WDPCP: variants seen among roughly 807,000 people sequenced by gnomAD.
WDPCP encodes WD repeat containing planar cell polarity effector, also known as WD repeat-containing and planar cell polarity effector protein fritz homolog.
In WDPCP, 71 loss-of-function variants were observed where a neutral mutation model predicts 93.1. The ratio of observed to expected loss-of-function variants is 0.76; its 90% CI spans 0.63 to 0.93. WDPCP has a LOEUF of 0.93. WDPCP is among the 40% of genes least tolerant of loss of function. The pLI, the probability that WDPCP is intolerant of heterozygous loss-of-function variation, is 0.00. For synonymous variants in WDPCP, 315 were observed against 315.0 expected (o/e 1.00, Z 0.00); for missense variants, 844 against 887.4 (o/e 0.95, Z 0.62).
intron 3 of WDPCP, chr2:63,622,431 G>C (rs1709752539): frequency 2.5e-6 from 4 of 1,613,920 alleles, no homozygotes; most frequent in Non-Finnish European, 3.4e-6. Flanking sequence ...AAATAAGCTA[G>C]AGGAGACCCA....
At chr2:63,500,978 A>T (rs911252699) in intron 1 of WDPCP, among the ~76,000 whole-genome samples, 8 of 152,142 alleles carry the variant, frequency 5.3e-5, no homozygotes, top group African/African-American at 1.9e-4. Flanking sequence ...CTATTTTACA[A>T]CTGTCATCTC....
intron 14 of WDPCP, among the ~76,000 whole-genome samples, chr2:63,227,524 A>C (rs1678388409): frequency 6.6e-6 from 1 of 151,972 alleles, no homozygotes; most frequent in Non-Finnish European, 1.5e-5. Flanking sequence ...CCACACAACT[A>C]ATCTGTAACA....
intron 15 of WDPCP, among the ~76,000 whole-genome samples, chr2:63,163,587 C>T (rs1414475890): frequency 6.6e-6 from 1 of 152,142 alleles, no homozygotes; most frequent in African/African-American, 2.4e-5. Context: ...CATATGTTCT[C>T]CTCTCATGCC....
intron 1 of WDPCP, among the ~76,000 whole-genome samples, chr2:63,529,788 G>A (rs142164249): frequency 6.6e-6 from 1 of 152,146 alleles, no homozygotes; most frequent in East Asian, 1.9e-4. Context: ...GCTCCTCCTT[G>A]TATCTCTCAT....
In WDPCP at chr2:63,197,719, T is replaced by C. The variant is rs185882280; in HGVS notation, c.1916-22887A>G. On this transcript the variant is annotated intron_variant, in intron 14 of 17. Coordinates refer to ENST00000272321, the MANE Select transcript of WDPCP (RefSeq NM_015910.7). ...TAGCTCCCACTTATAAGTGAGAACA[T>C]GCAATATTTGTCTTTCTGTGTTTGA... Among the ~76,000 whole-genome samples the C allele has an allele frequency of 2.4e-3, 365 of 152,306 alleles. 2 individuals are homozygous for C. The highest frequency in any genetic ancestry group is 8.2e-3 in the African/African-American group (340 of 41,558).
intron 12 of WDPCP, chr2:63,368,995 T>G (rs1305944986): frequency 6.5e-6 from 1 of 153,712 alleles, no homozygotes; most frequent in Admixed American, 6.4e-5. Flanking sequence ...TTCCTGGATT[T>G]TATAAAGTAT....
At chr2:63,289,274 T>C (rs1423046948) in intron 13 of WDPCP, among the ~76,000 whole-genome samples, 1 of 152,126 alleles carries the variant, frequency 6.6e-6, no homozygotes, top group Non-Finnish European at 1.5e-5. Context: ...AATTCTATCT[T>C]TACTTTTATA....
At chr2:63,204,048 T>C (rs1478826985) in intron 14 of WDPCP, among the ~76,000 whole-genome samples, 1 of 152,214 alleles carries the variant, frequency 6.6e-6, no homozygotes, top group African/African-American at 2.4e-5. Context: ...CTAATGTACC[T>C]TCTTTTGAGT....
intron 6 of WDPCP, among the ~76,000 whole-genome samples, chr2:63,483,918 C>T (rs1235181169): frequency 6.6e-6 from 1 of 151,880 alleles, no homozygotes; most frequent in Non-Finnish European, 1.5e-5. Context: ...TCTGAATCTA[C>T]CCATTCAATA....
chr2:63,703,255 T>C (rs538475929), intron 2 of WDPCP, among the ~76,000 whole-genome samples: 9 of 152,290 alleles, frequency 5.9e-5, no homozygotes, highest in Admixed American at 2.6e-4. Flanking sequence ...GATGGCTGGG[T>C]CAAAGGGTAT....
At chr2:63,441,862 CTAAAT>C (rs1429531191) in intron 6 of WDPCP, 4 of 152,048 alleles carry the variant, frequency 2.6e-5, no homozygotes, top group Non-Finnish European at 5.9e-5. Flanking sequence ...ATGCCAAGCA[CTAAAT>C]TAAATTTAAG....
chr2:63,607,628 A>C (rs562882214), intron 3 of WDPCP, among the ~76,000 whole-genome samples: 5 of 151,612 alleles, frequency 3.3e-5, no homozygotes, highest in Non-Finnish European at 7.4e-5. Context: ...CAGGAGATCG[A>C]GACCATCCTG....
At chr2:63,325,927 G>T (rs529481058) in intron 12 of WDPCP, among the ~76,000 whole-genome samples, 1 of 152,168 alleles carries the variant, frequency 6.6e-6, no homozygotes, top group Admixed American at 6.5e-5. Context: ...ACTCAGACTC[G>T]TGGGACAACC....
intron 10 of WDPCP, among the ~76,000 whole-genome samples, chr2:63,396,338 T>G (rs1285859265): frequency 1.3e-5 from 2 of 152,200 alleles, no homozygotes; most frequent in Admixed American, 6.5e-5. Flanking sequence ...CTGTTTGTTT[T>G]TTAGAAAGAG....
intron 1 of WDPCP, among the ~76,000 whole-genome samples, chr2:63,536,773 C>CTTTTTTTTTTTTTTTTTT (rs58661370): frequency 1.1e-5 from 1 of 93,636 alleles, no homozygotes; most frequent in East Asian, 4.2e-4. Context: ...ATTCTTCATG[C>CTTTTTTTTTTTTTTTTTT]TTTTTTTTTT....
At chr2:63,695,032 A>G (rs1443111998) in intron 2 of WDPCP, among the ~76,000 whole-genome samples, 1 of 152,194 alleles carries the variant, frequency 6.6e-6, no homozygotes, top group Non-Finnish European at 1.5e-5. Flanking sequence ...AGAAACATTG[A>G]CCAACAGAGT....
intron 3 of WDPCP, chr2:63,599,154 C>G (rs1333280012): frequency 6.2e-7 from 1 of 1,611,886 alleles, no homozygotes; most frequent in African/African-American, 1.3e-5. Context: ...TCTTCAGTGC[C>G]TTCCATTCCT....
rs549683939 is a variant in WDPCP at position 63,477,309 on chromosome 2, A to G, written c.384+7295T>C. Among the ~76,000 whole-genome samples, 293 of 152,304 alleles carry G rather than the reference A, an allele frequency of 1.9e-3. 2 individuals carry two copies. Among genetic ancestry groups the G allele is most frequent in the African/African-American group, 6.5e-3 (269 of 41,572 alleles). On this transcript the variant is annotated intron_variant, in intron 6 of 17. Coordinates refer to ENST00000272321, the MANE Select transcript of WDPCP (RefSeq NM_015910.7). Reference sequence around the variant, plus strand: ...AAGCAAGAAATTATTAAACACTTTTAGTGAAATGATTTTAGGAGACAAAAA... The same window carrying G: ...AAGCAAGAAATTATTAAACACTTTTGGTGAAATGATTTTAGGAGACAAAAA...
chr2:63,796,253 C>G (rs924134233), intron 2 of WDPCP, among the ~76,000 whole-genome samples: 1 of 152,168 alleles, frequency 6.6e-6, no homozygotes, highest in African/African-American at 2.4e-5. Context: ...TGGAAAGAAA[C>G]AGTGTTCTTC....
Sources: allele counts gnomAD v4.1 joint callset (sites outside exome capture counted in the v4.1 genomes callset), GRCh38; gene constraint gnomAD v4.1.1; transcripts MANE v1.5; gene names NCBI Gene and HGNC (gene_info 2026-07-23, HGNC 2026-07-21).